Variants in CAPN9 observed in about 807,000 individuals in gnomAD.
The protein encoded by CAPN9 is calpain-9.
A neutral mutation model predicts 92.8 loss-of-function variants in CAPN9; 81 were observed. The ratio of observed to expected loss-of-function variants is 0.87; its 90% CI spans 0.73 to 1.05. The LOEUF (loss-of-function observed/expected upper bound fraction) is 1.05. Ranked by LOEUF, CAPN9 falls within the 50% of genes least tolerant of loss-of-function variation. The probability of loss-of-function intolerance (pLI) is 0.00; values close to 1 mark genes in which losing one functional copy is unlikely to be tolerated. For missense variants in CAPN9, 848 were observed against 866.2 expected (o/e 0.98, Z 0.26); for synonymous variants, 304 against 328.0 (o/e 0.93, Z 0.79).
rs189835725 is a variant in CAPN9, at chr1:230,777,637, C to T, written c.954-1336C>T. Reference sequence around the variant, plus strand: ...CAGCAAGCCCGCCAGTTCCTCTTCTCCCTTACTCTCTCGACTCCACTCAGC... The same window carrying T: ...CAGCAAGCCCGCCAGTTCCTCTTCTTCCTTACTCTCTCGACTCCACTCAGC... On this transcript the variant is annotated intron_variant, in intron 8 of 19. Coordinates refer to ENST00000271971, the MANE Select transcript of CAPN9 (RefSeq NM_006615.3). 3.3e-4 allele frequency among the ~76,000 whole-genome samples: 50 copies of T among 152,256 alleles called. No individual in the cohort carries two copies. In the East Asian group the frequency reaches 6.4e-3, roughly 19 times the overall value.
At chr1:230,781,288 C>T (rs1337122638) in intron 11 of CAPN9, among the ~76,000 whole-genome samples, 7 of 152,216 alleles carry the variant, frequency 4.6e-5, no homozygotes, top group African/African-American at 1.4e-4. Context: ...CAGAGTCATG[C>T]TCACAAGACA....
rs2102931628 is a variant in CAPN9 at position 230,792,906 on chromosome 1, A to G, written c.1848A>G (p.Leu616=). 6.2e-7 allele frequency: 1 copy of G among 1,613,776 alleles called. No homozygotes were observed. The highest frequency in any genetic ancestry group is 8.5e-7 in the Non-Finnish European group (1 of 1,179,708). Reference sequence around the variant, plus strand: ...CCGGCACCATGTCTACCTATGAACTACGGACTGCACTGAAAGCTGCAGGTA... The same window carrying G: ...CCGGCACCATGTCTACCTATGAACTGCGGACTGCACTGAAAGCTGCAGGTA... ...DKSGTMSTYE[L]RTALKAAGFQ... is the part of the protein sequence containing the mutation. Residue 616 remains leucine (L), a synonymous_variant, in exon 17 of 20, where the codon CTA becomes CTG. Coordinates refer to ENST00000271971, the MANE Select transcript of CAPN9 (RefSeq NM_006615.3).
At position 230,757,414 on chromosome 1, in the gene CAPN9, T is replaced by A. The variant is rs191891921; in HGVS notation, c.283+2008T>A. On this transcript the variant is annotated intron_variant, in intron 2 of 19. Transcript: ENST00000271971. Reference sequence around the variant, plus strand: ...TTTTTCAAAGTTTTGGTTTGTCACATTGGCATAAACATATATTTGGAGTTA... The same window carrying A: ...TTTTTCAAAGTTTTGGTTTGTCACAATGGCATAAACATATATTTGGAGTTA... 1.1e-4 allele frequency among the ~76,000 whole-genome samples: 17 copies of A among 152,312 alleles called. No homozygotes were observed. The East Asian group carries it at 2.5e-3, about 22-fold the overall frequency.
At chr1:230,784,190 G>A (rs1667419046) in intron 11 of CAPN9, among the ~76,000 whole-genome samples, 1 of 152,192 alleles carries the variant, frequency 6.6e-6, no homozygotes, top group Admixed American at 6.6e-5. Flanking sequence ...CATTTAAAAG[G>A]GAAGCAGGGC....
Position 230,787,502 on chromosome 1 carries a change from T to G in CAPN9, c.1519-20T>G. On this transcript the variant is annotated intron_variant, in intron 12 of 19. Coordinates refer to ENST00000271971, the MANE Select transcript of CAPN9 (RefSeq NM_006615.3). ...TTTTTTGTGGATCATTTTGTGCAAG[T>G]TTCTTTGGCTGTTTTTTAGCCTCCA... is the stretch of plus-strand genomic sequence containing the variant. 1 of 1,608,406 alleles carries G rather than the reference T, an allele frequency of 6.2e-7. No homozygotes were observed. The highest frequency in any genetic ancestry group is 8.5e-7 in the Non-Finnish European group (1 of 1,175,034).
rs1666218595 is a variant in CAPN9 at position 230,769,216 on chromosome 1, T to C, written c.742T>C (p.Phe248Leu). The C allele has an allele frequency of 6.2e-7, 1 of 1,614,088 alleles. No individual in the cohort carries two copies. Among genetic ancestry groups the C allele is most frequent in the South Asian group, 1.1e-5 (1 of 91,082 alleles). ...TGCAGAATCTGAGGCCCGGACGCCG[T>C]TTGGTCTTATTAAGGGTCATGCCTA... ...SAAESEARTPFGLIKGHAYSV... is the reference protein window; with the variant it reads ...SAAESEARTPLGLIKGHAYSV... The change falls in exon 6 of 20, where the codon TTT (phenylalanine) becomes CTT (leucine). Residue 248 changes from phenylalanine to leucine, a missense_variant. By Grantham distance (22) the Phe-to-Leu change is conservative. Coordinates refer to ENST00000271971, the MANE Select transcript of CAPN9 (RefSeq NM_006615.3).
chr1:230,761,684 C>T (rs1665652276), intron 3 of CAPN9, among the ~76,000 whole-genome samples: 1 of 152,114 alleles, frequency 6.6e-6, no homozygotes, highest in Admixed American at 6.5e-5. Context: ...CCCAAAACCA[C>T]TGTGCCTACC....
intron 5 of CAPN9, 141 bp downstream of exon 5, chr1:230,767,850 T>A: frequency 8.6e-6 from 6 of 696,920 alleles, no homozygotes; most frequent in Middle Eastern, 4.0e-4. Flanking sequence ...TTATTCCTGC[T>A]AATTAAAACA....
chr1:230,778,949 T>G (rs1667020107), intron 8 of CAPN9, 24 bp from the exon 9 acceptor site: 1 of 1,605,578 alleles, frequency 6.2e-7, no homozygotes. Flanking sequence ...CTCCTGTGCA[T>G]CGTGTCTCTC....
intron 11 of CAPN9, among the ~76,000 whole-genome samples, chr1:230,784,475 C>T (rs1423820105): frequency 1.3e-5 from 2 of 152,262 alleles, no homozygotes; most frequent in African/African-American, 4.8e-5. Flanking sequence ...CTCTATGCAG[C>T]CTCAGGACAC....
At chr1:230,757,650 G>A (rs1236022704) in intron 2 of CAPN9, among the ~76,000 whole-genome samples, 2 of 151,614 alleles carry the variant, frequency 1.3e-5, no homozygotes, top group Non-Finnish European at 2.9e-5. Flanking sequence ...GGGAGGGGGA[G>A]GTGGGAAGAT....
intron 12 of CAPN9, chr1:230,786,312 T>C (rs368833414): frequency 3.8e-6 from 1 of 260,628 alleles, no homozygotes; most frequent in African/African-American, 2.3e-5. Flanking sequence ...AGACACTCTC[T>C]AAAAGAAAAG....
intron 7 of CAPN9, among the ~76,000 whole-genome samples, chr1:230,773,182 T>G (rs540018611): frequency 6.6e-6 from 1 of 152,298 alleles, no homozygotes; most frequent in South Asian, 2.1e-4. Context: ...CACACAGGCC[T>G]GTGCTTTCCA....
chr1:230,750,625 G>A (rs1887208), intron 1 of CAPN9, among the ~76,000 whole-genome samples: 64,536 of 152,026 alleles, frequency 0.42, 13,840 homozygotes, highest in Non-Finnish European at 0.43. Context: ...CATTTGCAGT[G>A]GGACTCAGCA....
chr1:230,783,901 A>G (rs1271532818), intron 11 of CAPN9, among the ~76,000 whole-genome samples: 1 of 152,226 alleles, frequency 6.6e-6, no homozygotes, highest in African/African-American at 2.4e-5. Flanking sequence ...TGACAGTGAT[A>G]TGAACAGTGA....
At chr1:230,751,576 AG>A (rs1664777190) in intron 1 of CAPN9, among the ~76,000 whole-genome samples, 1 of 46,356 alleles carries the variant, frequency 2.2e-5, no homozygotes, top group African/African-American at 1.2e-4. Context: ...GAAAGAAAGA[AG>A]AAAGAAACAA....
At chr1:230,793,282 A>G (rs1668130982) in intron 17 of CAPN9, among the ~76,000 whole-genome samples, 1 of 152,160 alleles carries the variant, frequency 6.6e-6, no homozygotes, top group African/African-American at 2.4e-5. Flanking sequence ...AGTGATTCCA[A>G]ACTTCTCATT....
intron 4 of CAPN9, among the ~76,000 whole-genome samples, chr1:230,763,935 C>A (rs532662846): frequency 1.3e-5 from 2 of 152,336 alleles, no homozygotes; most frequent in African/African-American, 4.8e-5. Flanking sequence ...CCCACCTCTG[C>A]CCCTTGGTGA....
At chr1:230,765,368 C>T (rs1364755164) in intron 4 of CAPN9, among the ~76,000 whole-genome samples, 1 of 151,846 alleles carries the variant, frequency 6.6e-6, no homozygotes, top group East Asian at 1.9e-4. Flanking sequence ...GATTATGAAC[C>T]CAAGTAGAAG....
Sources: allele counts gnomAD v4.1 joint callset (sites outside exome capture counted in the v4.1 genomes callset), GRCh38; gene constraint gnomAD v4.1.1; transcripts MANE v1.5; gene names NCBI Gene and HGNC (gene_info 2026-07-23, HGNC 2026-07-21).